Variants in FBN3 observed in about 807,000 individuals in gnomAD.
FBN3 encodes fibrillin 3, also known as fibrillin-3.
A neutral mutation model predicts 330.1 loss-of-function variants in FBN3; 234 were observed. The observed-to-expected ratio is 0.71, with a 90% confidence interval of 0.64 to 0.79. The LOEUF (loss-of-function observed/expected upper bound fraction) is 0.79. FBN3 is among the 30% of genes least tolerant of loss of function. The pLI is 0.00. For synonymous variants in FBN3, 1,458 were observed against 1,517.3 expected (o/e 0.96, Z 0.91); for missense variants, 3,606 against 3,886.9 (o/e 0.93, Z 1.92).
In FBN3 at chr19:8,081,107, C is replaced by T; in HGVS notation, c.7349G>A (p.Cys2450Tyr). The part of the protein sequence containing the change: ...DGRTCKDLDE[C>Y]TSRQHNCQFL... ...CTGACAGTTGTGCTGCCGGGAGGTGCATTCGTCCAGGTCTGCAGCACGGAT... is the reference window on the plus strand; with the variant it reads ...CTGACAGTTGTGCTGCCGGGAGGTGTATTCGTCCAGGTCTGCAGCACGGAT... The change falls in exon 59 of 64, where the codon TGC (cysteine) becomes TAC (tyrosine). Residue 2450 changes from cysteine to tyrosine, a missense_variant. Transcript: ENST00000600128. 1 of 1,613,626 alleles carries T rather than the reference C, an allele frequency of 6.2e-7. No homozygotes were observed. Among genetic ancestry groups the T allele is most frequent in the Non-Finnish European group, 8.5e-7 (1 of 1,179,876 alleles).
In FBN3 at chr19:8,069,382, T is replaced by C. The variant is rs139959001; in HGVS notation, c.8088+2666A>G. ...CCACAGAAAGTCATCTGTGTTTTCT[T>C]TGCCTTTGTTTTAGGGAGCACTGTG... is the stretch of plus-strand genomic sequence containing the variant. On this transcript the variant is annotated intron_variant, in intron 63 of 63. Transcript: ENST00000600128. Among the ~76,000 whole-genome samples the C allele has an allele frequency of 2.3e-3, 352 of 152,298 alleles. 3 individuals are homozygous for C. Among genetic ancestry groups the C allele is most frequent in the African/African-American group, 8.0e-3 (332 of 41,552 alleles).
chr19:8,097,113 C>T, intron 42 of FBN3, 107 bp from the exon 43 acceptor site: 2 of 1,517,644 alleles, frequency 1.3e-6, no homozygotes, highest in Non-Finnish European at 1.8e-6. Flanking sequence ...TCTCTGGAAG[C>T]AGCCAGAGCT....
chr19:8,065,732 G>A lies in FBN3; in HGVS notation c.*187C>T, dbSNP rs1330247784. 8.6e-6 allele frequency: 5 copies of A among 580,354 alleles called. No individual in the cohort carries two copies. In the East Asian group the frequency reaches 1.5e-4, roughly 17 times the overall value. 36.0% of individuals were successfully genotyped at this position (580,354 alleles called of 1,614,324 possible). ...GTCTCCAGGAAAGACTGAGTAACTG[G>A]GGGGCCCCCGGGGCTGGCACAGAGG... On this transcript the variant is annotated 3_prime_UTR_variant, in exon 64 of 64. Transcript: ENST00000600128.
chr19:8,084,576 G>A (rs558866421), intron 56 of FBN3, among the ~76,000 whole-genome samples: 2 of 151,686 alleles, frequency 1.3e-5, no homozygotes, highest in African/African-American at 4.9e-5. Flanking sequence ...AGGCCCTCTT[G>A]CTTTTTATTT....
Position 8,136,048 on chromosome 19 carries a change from G to C in FBN3, c.1504C>G (p.Leu502Val). The C allele has an allele frequency of 1.2e-6, 2 of 1,611,550 alleles. No homozygotes were observed. Among genetic ancestry groups the C allele is most frequent in the Non-Finnish European group, 1.7e-6 (2 of 1,178,804 alleles). ...CCCTCTGTGTTGACACAGCGGCCCA[G>C]GTGACAAAGGCCACCACTGACAATG... is the stretch of plus-strand genomic sequence containing the variant. ...ECIVSGGLCH[L>V]GRCVNTEGSF... The change falls in exon 13 of 64, where the codon CTG becomes GTG. Residue 502 changes from leucine (L) to valine (V), a missense_variant. Transcript: ENST00000600128.
chr19:8,072,720 G>GCACACACACACA lies in FBN3; in HGVS notation c.7937+331_7937+342dup, dbSNP rs61403969. Among the ~76,000 whole-genome samples the GCACACACACACA allele has an allele frequency of 4.7e-3, 710 of 149,572 alleles. 5 individuals carry two copies. The highest frequency in any genetic ancestry group is 0.012 in the African/African-American group (484 of 40,826). On this transcript the variant is annotated intron_variant, in intron 62 of 63. Coordinates refer to ENST00000600128, the MANE Select transcript of FBN3 (RefSeq NM_032447.5). ...AGTGCACACTGGGACATGCGCGCGT[G>GCACACACACACA]CACACACACACACACACACACACGT...
At position 8,121,244 on chromosome 19, in the gene FBN3, C is replaced by G; in HGVS notation, c.3211+14G>C. 1 of 1,583,216 alleles carries G rather than the reference C, an allele frequency of 6.3e-7. No individual in the cohort carries two copies. On this transcript the variant is annotated intron_variant, in intron 25 of 63. Coordinates refer to ENST00000600128, the MANE Select transcript of FBN3 (RefSeq NM_032447.5). This position sits in a 1 kb window ranked among gnomAD's most constrained non-coding sequence, Gnocchi z 4.5. ...CCAGGGCGCCCACCACACCCCTGCC[C>G]GGCAGTCACCGACCCATGCAGTTCT...
intron 41 of FBN3, among the ~76,000 whole-genome samples, chr19:8,100,132 C>T (rs2082296766): frequency 6.6e-6 from 1 of 152,002 alleles, no homozygotes; most frequent in Admixed American, 6.6e-5. Context: ...TGGTTCCACT[C>T]ACAGGAGGTC....
At chr19:8,119,576 C>T (rs545071162) in intron 25 of FBN3, among the ~76,000 whole-genome samples, 2 of 152,256 alleles carry the variant, frequency 1.3e-5, no homozygotes, top group South Asian at 2.1e-4. Context: ...TGCAGTGACA[C>T]GATCTCGGCT....
rs778344041 is a variant in FBN3, at chr19:8,129,336, C to A, written c.2074G>T (p.Val692Phe). The change falls in exon 17 of 64, where the codon GTT (valine) becomes TTT (phenylalanine). Residue 692 changes from valine to phenylalanine, a missense_variant. Coordinates refer to ENST00000600128, the MANE Select transcript of FBN3 (RefSeq NM_032447.5). This position sits in a 1 kb window ranked among gnomAD's most constrained non-coding sequence, Gnocchi z 4.5. ...DINECALDPEVCANGVCENLR... is the reference protein window; with the variant it reads ...DINECALDPEFCANGVCENLR... ...TTCTCGCACACGCCATTGGCACAAA[C>A]CTCAGGATCCAGAGCACACTCGTTG... 1.1e-5 allele frequency: 18 copies of A among 1,614,162 alleles called. No homozygotes were observed. In the South Asian group the frequency reaches 2.0e-4, roughly 18 times the overall value.
intron 16 of FBN3, among the ~76,000 whole-genome samples, chr19:8,130,983 C>T (rs2083133000): frequency 6.6e-6 from 1 of 152,114 alleles, no homozygotes; most frequent in African/African-American, 2.4e-5. Context: ...GAGCCACCAC[C>T]AGAAGCTGGA....
Position 8,085,347 on chromosome 19 carries a change from G to A in FBN3, c.7087+16C>T, listed in dbSNP as rs777768174. On this transcript the variant is annotated intron_variant, in intron 56 of 63. Transcript: ENST00000600128. Reference sequence around the variant, plus strand: ...TTTCTTGCCTCCCTGGGGGTCCTGAGGGCATGGGCACCCACCTCGGCCCTC... The same window carrying A: ...TTTCTTGCCTCCCTGGGGGTCCTGAAGGCATGGGCACCCACCTCGGCCCTC... 1.3e-6 allele frequency: 2 copies of A among 1,558,928 alleles called. No individual in the cohort carries two copies. Among genetic ancestry groups the A allele is most frequent in the Non-Finnish European group, 1.7e-6 (2 of 1,155,302 alleles).
intron 24 of FBN3, among the ~76,000 whole-genome samples, chr19:8,122,703 C>G (rs533971672): frequency 6.7e-6 from 1 of 149,674 alleles, no homozygotes; most frequent in Admixed American, 6.7e-5. Flanking sequence ...GAGTCTCTGT[C>G]GCCCAGGCTG....
chr19:8,141,671 A>C, intron 8 of FBN3, 46 bp downstream of exon 8: 2 of 1,577,490 alleles, frequency 1.3e-6, no homozygotes, highest in Non-Finnish European at 1.7e-6. Context: ...CCCCCAGGTC[A>C]TGAGTCACAG....
chr19:8,123,384 G>A, intron 24 of FBN3, 80 bp downstream of exon 24: 1 of 1,423,822 alleles, frequency 7.0e-7, no homozygotes, highest in Non-Finnish European at 9.7e-7. Flanking sequence ...AAAAGAACAG[G>A]TGTTGTCTCT....
intron 61 of FBN3, among the ~76,000 whole-genome samples, chr19:8,074,202 G>A (rs773457910): frequency 6.6e-6 from 1 of 152,144 alleles, no homozygotes; most frequent in Admixed American, 6.6e-5. Context: ...TCAGTACGGG[G>A]GGAGGAAACA....
chr19:8,078,070 TC>T (rs1288584853), intron 59 of FBN3, among the ~76,000 whole-genome samples: 1 of 152,104 alleles, frequency 6.6e-6, no homozygotes, highest in Non-Finnish European at 1.5e-5. Context: ...AGAGCAAGAC[TC>T]CATCTCAAAA....
intron 61 of FBN3, chr19:8,074,867 G>A (rs895635113): frequency 5.1e-6 from 3 of 582,728 alleles, no homozygotes; most frequent in Non-Finnish European, 8.4e-6. Context: ...ATGCCCTAAG[G>A]AATGAACTCA....
chr19:8,142,372 C>A (rs1179052200), intron 6 of FBN3, among the ~76,000 whole-genome samples: 1 of 152,136 alleles, frequency 6.6e-6, no homozygotes, highest in East Asian at 1.9e-4. Context: ...AGACCAGCAC[C>A]TCCAAGCCAA....
Sources: allele counts gnomAD v4.1 joint callset (sites outside exome capture counted in the v4.1 genomes callset), GRCh38; gene constraint gnomAD v4.1.1; non-coding constraint Gnocchi (gnomAD v3.1); transcripts MANE v1.5; gene names NCBI Gene and HGNC (gene_info 2026-07-23, HGNC 2026-07-21).